Variants in SYTL3 observed in about 807,000 individuals in gnomAD.
The protein encoded by SYTL3 is synaptotagmin-like protein 3.
In SYTL3, 88 loss-of-function variants were observed where a neutral mutation model predicts 82.1. The observed-to-expected ratio is 1.07, with a 90% CI of 0.90 to 1.28. The LOEUF is 1.28. SYTL3 is among the 50% of genes most tolerant of loss of function. The probability of loss-of-function intolerance (pLI) is 0.00; values close to 1 mark genes in which losing one functional copy is unlikely to be tolerated. For missense variants in SYTL3, 831 were observed against 757.6 expected, an observed-to-expected ratio of 1.10 and a Z score of -1.14; for synonymous variants, 311 against 289.4, an observed-to-expected ratio of 1.07 and a Z score of -0.76.
chr6:158,696,802 T>C (rs1193162066), intron 6 of SYTL3, among the ~76,000 whole-genome samples: 3 of 151,978 alleles, frequency 2.0e-5, no homozygotes, highest in African/African-American at 7.3e-5. Context: ...ATCAAAACAG[T>C]GTGGTACTGA....
chr6:158,760,839 C>T (rs1789819394), intron 15 of SYTL3, 94 bp downstream of exon 15: 1 of 1,007,416 alleles, frequency 9.9e-7, no homozygotes, highest in South Asian at 1.3e-5. Context: ...AGTTTTCTAG[C>T]ATTTCCTTTC....
chr6:158,752,619 G>A (rs1184818874), intron 13 of SYTL3, among the ~76,000 whole-genome samples: 1 of 152,202 alleles, frequency 6.6e-6, no homozygotes, highest in African/African-American at 2.4e-5. Context: ...CGGGTGGAAG[G>A]CTGCAGCTGA....
chr6:158,677,158 A>G (rs1366427554), intron 5 of SYTL3, among the ~76,000 whole-genome samples: 5 of 152,332 alleles, frequency 3.3e-5, no homozygotes, highest in Admixed American at 1.3e-4. Flanking sequence ...AACCAACCCA[A>G]ATGTCCAACA....
chr6:158,764,865 C>T lies in SYTL3; in HGVS notation c.*261C>T, dbSNP rs557623454. 2.9e-4 allele frequency: 107 copies of T among 371,684 alleles called. No individual in the cohort carries two copies. Among genetic ancestry groups the T allele is most frequent in the African/African-American group, 2.0e-3 (96 of 48,248 alleles). 23.0% of individuals were successfully genotyped at this position (371,684 alleles called of 1,614,324 possible). ...GCCAGATTTTAATAAACGTTGTTAC[C>T]CATGTCCTCCAGTGCTTATCAAATG... On this transcript the variant is annotated 3_prime_UTR_variant, in exon 18 of 18. Coordinates refer to ENST00000611299, the MANE Select transcript of SYTL3 (RefSeq NM_001242394.2).
At chr6:158,758,942 T>A (rs749430843) in intron 14 of SYTL3, among the ~76,000 whole-genome samples, 105 of 152,204 alleles carry the variant, frequency 6.9e-4, no homozygotes, top group Non-Finnish European at 1.4e-3. Flanking sequence ...GTGAAGCATC[T>A]GGCTTCCATG....
chr6:158,719,500 A>G lies in SYTL3; in HGVS notation c.720+1289A>G, dbSNP rs74864147. 2.7e-3 allele frequency among the ~76,000 whole-genome samples: 407 copies of G among 152,308 alleles called. 3 individuals carry two copies. Among genetic ancestry groups the G allele is most frequent in the African/African-American group, 9.4e-3 (390 of 41,562 alleles). On this transcript the variant is annotated intron_variant, in intron 10 of 17. Transcript: ENST00000611299. Reference sequence around the variant, plus strand: ...GAACTCCTGGGATCTGGCGAAGTCTATGCTGTGAAGTTCTCAGACCACACT... The same window carrying G: ...GAACTCCTGGGATCTGGCGAAGTCTGTGCTGTGAAGTTCTCAGACCACACT...
chr6:158,701,196 A>G (rs1445692908), intron 6 of SYTL3, among the ~76,000 whole-genome samples: 2 of 131,348 alleles, frequency 1.5e-5, no homozygotes, highest in East Asian at 2.1e-4. Flanking sequence ...GTGTAGATGA[A>G]GGAGTGTGAG....
intron 6 of SYTL3, among the ~76,000 whole-genome samples, chr6:158,703,681 CTG>C (rs1781587725): frequency 6.6e-6 from 1 of 152,070 alleles, no homozygotes; most frequent in Non-Finnish European, 1.5e-5. Flanking sequence ...GCCTGGGGCT[CTG>C]TGTCTCTAGC....
intron 6 of SYTL3, among the ~76,000 whole-genome samples, chr6:158,700,832 G>C (rs554214663): frequency 5.9e-5 from 9 of 152,030 alleles, no homozygotes; most frequent in Admixed American, 3.3e-4. Context: ...TAGCCAGGAT[G>C]GTCTCGATCT....
At chr6:158,723,889 C>G (rs1207531260) in intron 10 of SYTL3, among the ~76,000 whole-genome samples, 2 of 152,184 alleles carry the variant, frequency 1.3e-5, no homozygotes, top group Non-Finnish European at 2.9e-5. Context: ...CATCACACAT[C>G]CCCTATGTGT....
At chr6:158,706,211 C>T (rs770576587) in intron 6 of SYTL3, among the ~76,000 whole-genome samples, 5 of 152,092 alleles carry the variant, frequency 3.3e-5, no homozygotes, top group Admixed American at 6.5e-5. Flanking sequence ...CAGGTGGACT[C>T]GGAACTTTAG....
At chr6:158,762,618 G>A (rs1007768577) in intron 16 of SYTL3, among the ~76,000 whole-genome samples, 4 of 152,102 alleles carry the variant, frequency 2.6e-5, no homozygotes, top group East Asian at 1.9e-4. Flanking sequence ...GAAAAATGAC[G>A]GTCAAGATAG....
At chr6:158,759,518 C>T (rs1207089091) in intron 14 of SYTL3, among the ~76,000 whole-genome samples, 2 of 152,084 alleles carry the variant, frequency 1.3e-5, no homozygotes, top group Non-Finnish European at 2.9e-5. Context: ...CAGCCCGGGA[C>T]GGCTCTGTTT....
intron 11 of SYTL3, among the ~76,000 whole-genome samples, chr6:158,739,534 A>C (rs1786655221): frequency 6.6e-6 from 1 of 152,102 alleles, no homozygotes; most frequent in Non-Finnish European, 1.5e-5. Context: ...CCAAACATAT[A>C]CTTTTTCATT....
intron 6 of SYTL3, among the ~76,000 whole-genome samples, chr6:158,700,831 T>G (rs988535102): frequency 6.6e-6 from 1 of 152,006 alleles, no homozygotes; most frequent in Non-Finnish European, 1.5e-5. Flanking sequence ...TTAGCCAGGA[T>G]GGTCTCGATC....
intron 12 of SYTL3, among the ~76,000 whole-genome samples, chr6:158,749,390 GAAAAAAAA>G (rs1167978441): frequency 3.8e-5 from 2 of 52,152 alleles, no homozygotes; most frequent in African/African-American, 6.6e-5. Flanking sequence ...GACTCTGTCT[GAAAAAAAA>G]AAAAAAAAAA....
intron 9 of SYTL3, among the ~76,000 whole-genome samples, chr6:158,716,688 A>C (rs1342159307): frequency 1.3e-5 from 2 of 152,168 alleles, no homozygotes; most frequent in African/African-American, 4.8e-5. Context: ...ATTCTTGGGC[A>C]GTGTAGGCAG....
intron 6 of SYTL3, among the ~76,000 whole-genome samples, chr6:158,706,613 T>C (rs891402306): frequency 1.3e-5 from 2 of 152,272 alleles, no homozygotes; most frequent in South Asian, 2.1e-4. Flanking sequence ...GGTCTCTTCC[T>C]ATGCATTTGG....
At chr6:158,661,735 T>C (rs937997741) in intron 3 of SYTL3, among the ~76,000 whole-genome samples, 3 of 152,212 alleles carry the variant, frequency 2.0e-5, no homozygotes, top group African/African-American at 7.2e-5. Flanking sequence ...CACAGTAGAA[T>C]CAGCAGAACT....
Sources: allele counts gnomAD v4.1 joint callset (sites outside exome capture counted in the v4.1 genomes callset), GRCh38; gene constraint gnomAD v4.1.1; transcripts MANE v1.5; gene names NCBI Gene and HGNC (gene_info 2026-07-23, HGNC 2026-07-21).